The following SCYL3 variants were observed in gnomAD, a reference collection of about 807,000 sequenced individuals.
SCYL3 encodes protein-associating with the carboxyl-terminal domain of ezrin.
Under a neutral mutation model 73.8 loss-of-function variants are expected in SCYL3, and 35 were observed. That is an observed-to-expected ratio of 0.47 (90% CI 0.36 to 0.63). The LOEUF (loss-of-function observed/expected upper bound fraction) is 0.63. Among genes scored for constraint, SCYL3 ranks in the 20% least tolerant of loss-of-function variants. The probability of loss-of-function intolerance (pLI) is 0.00; values close to 1 mark genes in which losing one functional copy is unlikely to be tolerated. For missense variants in SCYL3, 712 were observed against 798.9 expected (o/e 0.89, Z 1.31); for synonymous variants, 277 against 295.2 (o/e 0.94, Z 0.63).
chr1:169,857,325 A>G (rs1659259876), intron 11 of SCYL3, among the ~76,000 whole-genome samples: 1 of 152,252 alleles, frequency 6.6e-6, no homozygotes, highest in Admixed American at 6.5e-5. Context: ...TCTCTTAAAG[A>G]AAATGATGTA....
rs1335022146 is a variant in SCYL3 at position 169,862,766 on chromosome 1, G to C, written c.987C>G (p.Leu329=). 10 of 1,614,158 alleles carry C rather than the reference G, an allele frequency of 6.2e-6. No individual in the cohort carries two copies. The South Asian group carries it at 8.8e-5, about 14-fold the overall frequency. Residue 329 remains leucine (L), a synonymous_variant, in exon 10 of 13, where the codon CTC becomes CTG. Transcript: ENST00000367771. Reference sequence around the variant, plus strand: ...CCCGTGACTGGAACAGGGCTGGTGAGAGCAAGCAAGGAGTTTCTCCCTGCG... The same window carrying C: ...CCCGTGACTGGAACAGGGCTGGTGACAGCAAGCAAGGAGTTTCTCCCTGCG... ...DHAQGETPCL[L]SPALFQSRVI... is the part of the protein sequence containing the mutation.
chr1:169,888,282 A>T (rs1481888298), intron 2 of SCYL3, among the ~76,000 whole-genome samples: 1 of 152,254 alleles, frequency 6.6e-6, no homozygotes, highest in Non-Finnish European at 1.5e-5. Context: ...AACTACAAGG[A>T]TCTTTTCCCT....
Position 169,854,351 on chromosome 1 carries a change from C to A in SCYL3, c.1926G>T (p.Arg642Ser). 2 of 1,613,910 alleles carry A rather than the reference C, an allele frequency of 1.2e-6. No homozygotes were observed. The highest frequency in any genetic ancestry group is 1.3e-5 in the African/African-American group (1 of 74,992). Residue 642 changes from arginine to serine, a missense_variant, in exon 12 of 13, where the codon AGG becomes AGT. Physicochemically the swap from Arg to Ser is moderately radical, Grantham distance 110 (BLOSUM62 -1). Transcript: ENST00000367771. ...CATCCTTTTTTGGGACCATTTCTGT[C>A]CTCAGTTCAGGTAATATAAGAAAAG... ...SAAFLILPEL[R>S]TEMVPKKDDV...
Position 169,850,341 on chromosome 1 carries a change from A to G in SCYL3, c.*3372T>C, listed in dbSNP as rs1212457816. ...AAGAACAAAGTTGTATCCTTTCTGGAGAAGGTACTTTCTTTACATGGCTCA... is the reference window on the plus strand; with the variant it reads ...AAGAACAAAGTTGTATCCTTTCTGGGGAAGGTACTTTCTTTACATGGCTCA... On this transcript the variant is annotated 3_prime_UTR_variant, in exon 13 of 13. Coordinates refer to ENST00000367771, the MANE Select transcript of SCYL3 (RefSeq NM_020423.7). 1 of 1,599,588 alleles carries G rather than the reference A, an allele frequency of 6.3e-7. No individual in the cohort carries two copies. Among genetic ancestry groups the G allele is most frequent in the South Asian group, 1.1e-5 (1 of 90,698 alleles).
Position 169,876,208 on chromosome 1 carries a change from A to G in SCYL3, c.352-117T>C, listed in dbSNP as rs1660791870. On this transcript the variant is annotated intron_variant, in intron 3 of 12. Coordinates refer to ENST00000367771, the MANE Select transcript of SCYL3 (RefSeq NM_020423.7). ...TCTTTATTTTAAAAAACTAAATACT[A>G]ATCACCAAAAAAATTATGACAAGCC... The G allele has an allele frequency of 5.9e-6, 3 of 507,826 alleles. No homozygotes were observed. The East Asian group carries it at 1.0e-4, about 18-fold the overall frequency. The allele number at this position is 507,826 out of a possible 1,614,324, so 31.5% of individuals were successfully genotyped here. A position where few individuals can be genotyped will look rare whatever the true frequency, so the allele number is the denominator to read the frequency against.
At position 169,859,228 on chromosome 1, in the gene SCYL3, G is replaced by A. The variant is rs767228856; in HGVS notation, c.1141-16C>T. 1.3e-5 allele frequency: 21 copies of A among 1,598,464 alleles called. No homozygotes were observed. The East Asian group carries it at 4.7e-4, about 36-fold the overall frequency. On this transcript the variant is annotated splice_polypyrimidine_tract_variant and intron_variant, in intron 10 of 12. Transcript: ENST00000367771. ...CCAGCAAAACCTAGGAGCAAATGAGGTAATAAGGGTTGACAACCACAATAC... is the reference window on the plus strand; with the variant it reads ...CCAGCAAAACCTAGGAGCAAATGAGATAATAAGGGTTGACAACCACAATAC...
chr1:169,892,883 C>G (rs1167028276), intron 1 of SCYL3, among the ~76,000 whole-genome samples: 2 of 152,198 alleles, frequency 1.3e-5, no homozygotes, highest in African/African-American at 4.8e-5. Context: ...TTGGTCCTAG[C>G]TCCCTTAGCT....
intron 2 of SCYL3, among the ~76,000 whole-genome samples, chr1:169,879,098 C>T (rs1661066037): frequency 6.6e-6 from 1 of 152,188 alleles, no homozygotes; most frequent in African/African-American, 2.4e-5. Context: ...ACGATTACTG[C>T]TATAAACTGA....
intron 5 of SCYL3, among the ~76,000 whole-genome samples, chr1:169,870,669 T>A (rs953663332): frequency 2.6e-5 from 4 of 152,084 alleles, no homozygotes; most frequent in Admixed American, 1.3e-4. Context: ...TACACGTGCA[T>A]AAATACACAC....
Position 169,852,261 on chromosome 1 carries a change from T to C in SCYL3, c.*1452A>G, listed in dbSNP as rs77854785. ...AGAAACTTACTCCTAAATGTTTAGT[T>C]TGATTCCTTGCCTTATTAATCAAAT... On this transcript the variant is annotated 3_prime_UTR_variant, in exon 13 of 13. Transcript: ENST00000367771. 2,045 of 351,524 alleles carry C rather than the reference T, an allele frequency of 5.8e-3. 46 individuals carry two copies. The highest frequency in any genetic ancestry group is 0.041 in the African/African-American group (1,909 of 46,814). 21.8% of individuals were successfully genotyped at this position (351,524 alleles called of 1,614,324 possible). A position where few individuals can be genotyped will look rare whatever the true frequency, so the allele number is the denominator to read the frequency against.
chr1:169,871,726 G>A (rs1324887707), intron 5 of SCYL3, among the ~76,000 whole-genome samples: 2 of 152,200 alleles, frequency 1.3e-5, no homozygotes, highest in African/African-American at 4.8e-5. Context: ...TAAGGTCCAG[G>A]CTGAGGTGGT....
chr1:169,866,908 G>C lies in SCYL3; in HGVS notation c.803C>G (p.Thr268Arg), dbSNP rs564471940. The change falls in exon 8 of 13, where the codon ACG becomes AGG. Residue 268 changes from threonine (T) to arginine (R), a missense_variant. Thr to Arg is a moderately conservative substitution (Grantham distance 71). Coordinates refer to ENST00000367771, the MANE Select transcript of SCYL3 (RefSeq NM_020423.7). ...SLTLKSEEEK[T>R]EFFKFLLDRV... ...TTTCTGAACTTACTTAAAGAATTCC[G>C]TTTTCTCCTCTTCACTCTTCAATGT... 7.7e-6 allele frequency: 12 copies of C among 1,564,256 alleles called. No individual in the cohort carries two copies. In the East Asian group the frequency reaches 2.7e-4, roughly 35 times the overall value.
chr1:169,888,870 C>T lies in SCYL3; in HGVS notation c.-30G>A. On this transcript the variant is annotated 5_prime_UTR_variant, in exon 2 of 13. Coordinates refer to ENST00000367771, the MANE Select transcript of SCYL3 (RefSeq NM_020423.7). ...TATGCAGTGAGGCAGTACTGCCACT[C>T]TTCCTCAAAGCCAAGCAGATCTAAA... 1 of 1,540,088 alleles carries T rather than the reference C, an allele frequency of 6.5e-7. No homozygotes were observed. Among genetic ancestry groups the T allele is most frequent in the Non-Finnish European group, 8.8e-7 (1 of 1,140,432 alleles).
chr1:169,854,010 C>A, intron 12 of SCYL3: 1 of 585,050 alleles, frequency 1.7e-6, no homozygotes, highest in Non-Finnish European at 2.9e-6. Flanking sequence ...GTGTGGATGA[C>A]ACCAAATCCT....
intron 1 of SCYL3, among the ~76,000 whole-genome samples, chr1:169,890,122 T>G (rs772801608): frequency 8.5e-5 from 13 of 152,192 alleles, no homozygotes; most frequent in Non-Finnish European, 1.8e-4. Context: ...AGGCTTGCAT[T>G]CTGAAGACAG....
In SCYL3 at chr1:169,852,807, T is replaced by G. The variant is rs540682277; in HGVS notation, c.*906A>C. Reference sequence around the variant, plus strand: ...TTTTCCAGCCTTATGCAAAAAGAGCTCGTCAGGAGTTCCCCTGGGAAGAAG... The same window carrying G: ...TTTTCCAGCCTTATGCAAAAAGAGCGCGTCAGGAGTTCCCCTGGGAAGAAG... On this transcript the variant is annotated 3_prime_UTR_variant, in exon 13 of 13. Coordinates refer to ENST00000367771, the MANE Select transcript of SCYL3 (RefSeq NM_020423.7). 3.1e-6 allele frequency: 5 copies of G among 1,613,968 alleles called. No individual in the cohort carries two copies. In the African/African-American group the frequency reaches 5.3e-5, roughly 17 times the overall value.
chr1:169,887,770 TC>T (rs1255536244), intron 2 of SCYL3, among the ~76,000 whole-genome samples: 1 of 152,116 alleles, frequency 6.6e-6, no homozygotes, highest in Non-Finnish European at 1.5e-5. Flanking sequence ...TCATGCTTGA[TC>T]AAAAATACAA....
intron 4 of SCYL3, among the ~76,000 whole-genome samples, chr1:169,875,440 C>T (rs1044104990): frequency 6.6e-6 from 1 of 152,194 alleles, no homozygotes; most frequent in Non-Finnish European, 1.5e-5. Flanking sequence ...ACATCAGCAA[C>T]AACACAGTCC....
chr1:169,886,418 G>A (rs1661693129), intron 2 of SCYL3, among the ~76,000 whole-genome samples: 1 of 152,234 alleles, frequency 6.6e-6, no homozygotes, highest in South Asian at 2.1e-4. Flanking sequence ...CCCACACAAT[G>A]TGCATTCTTA....
Sources: allele counts gnomAD v4.1 joint callset (sites outside exome capture counted in the v4.1 genomes callset), GRCh38; gene constraint gnomAD v4.1.1; transcripts MANE v1.5; gene names NCBI Gene and HGNC (gene_info 2026-07-23, HGNC 2026-07-21).